The following DNAH9 variants were observed in gnomAD, a reference collection of about 807,000 sequenced individuals.
The protein encoded by DNAH9 is DNAH9 variant protein.
Under a neutral mutation model 471.6 loss-of-function variants are expected in DNAH9, and 345 were observed. The observed-to-expected ratio is 0.73, with a 90% confidence interval of 0.67 to 0.80. The LOEUF is 0.80. Among genes scored for constraint, DNAH9 ranks in the 30% least tolerant of loss-of-function variants. The probability of loss-of-function intolerance (pLI) is 0.00; values close to 1 mark genes in which losing one functional copy is unlikely to be tolerated. For synonymous variants in DNAH9, 2,093 were observed against 2,123.6 expected (o/e 0.99, Z 0.40); for missense variants, 5,407 against 5,609.2 (o/e 0.96, Z 1.15).
chr17:11,847,827 G>A (rs1971279893), intron 49 of DNAH9, among the ~76,000 whole-genome samples: 1 of 152,068 alleles, frequency 6.6e-6, no homozygotes, highest in Non-Finnish European at 1.5e-5. Flanking sequence ...TGCCCTCTAG[G>A]TTTTTGTGAC....
chr17:11,768,668 C>T (rs1257805048), intron 37 of DNAH9, 42 bp downstream of exon 37: 1 of 1,596,258 alleles, frequency 6.3e-7, no homozygotes, highest in South Asian at 1.1e-5. Flanking sequence ...TGCAGTTGCC[C>T]TCAAGGATCT....
chr17:11,853,990 T>C lies in DNAH9; in HGVS notation c.9508-13T>C. On this transcript the variant is annotated splice_polypyrimidine_tract_variant and intron_variant, in intron 49 of 68. Coordinates refer to ENST00000262442, the MANE Select transcript of DNAH9 (RefSeq NM_001372.4). ...ATTCATGTTCCCCTAACCACCTCCT[T>C]CTCTTTTCCCAGACCAACCTGACAG... is the stretch of plus-strand genomic sequence containing the variant. 1.2e-6 allele frequency: 2 copies of C among 1,610,916 alleles called. No individual in the cohort carries two copies. The highest frequency in any genetic ancestry group is 1.1e-5 in the South Asian group (1 of 91,020).
chr17:11,803,424 G>T lies in DNAH9; in HGVS notation c.8421-4308G>T, dbSNP rs371850858. ...TGCGCTCGCACACACGCACATGCGT[G>T]TCTAGTCCAATAAATCAACTTCCTC... On this transcript the variant is annotated intron_variant, in intron 43 of 68. Coordinates refer to ENST00000262442, the MANE Select transcript of DNAH9 (RefSeq NM_001372.4). 3.3e-4 allele frequency among the ~76,000 whole-genome samples: 50 copies of T among 152,306 alleles called. 1 individual carries two copies. The South Asian group carries it at 9.5e-3, about 29-fold the overall frequency.
chr17:11,742,572 C>T (rs1298243764), intron 30 of DNAH9, among the ~76,000 whole-genome samples: 1 of 152,126 alleles, frequency 6.6e-6, no homozygotes, highest in African/African-American at 2.4e-5. Context: ...ACACCAGCGT[C>T]CCATGAGAGA....
At position 11,828,676 on chromosome 17, in the gene DNAH9, G is replaced by C. The variant is rs574033382; in HGVS notation, c.9246+5642G>C. ...CCTAGAGTCCAACAGTACTCTTGCA[G>C]CGCCCCCAAAACTCTACGACTGGTT... On this transcript the variant is annotated intron_variant, in intron 48 of 68. Transcript: ENST00000262442. 1.2e-4 allele frequency among the ~76,000 whole-genome samples: 18 copies of C among 152,118 alleles called. No individual in the cohort carries two copies. In the South Asian group the frequency reaches 2.3e-3, roughly 19 times the overall value.
intron 32 of DNAH9, among the ~76,000 whole-genome samples, chr17:11,752,485 T>TG (rs1157418435): frequency 1.3e-5 from 2 of 152,090 alleles, no homozygotes; most frequent in East Asian, 3.9e-4. Flanking sequence ...GCCAGCATGG[T>TG]GAAACCGCGT....
chr17:11,902,924 G>T lies in DNAH9; in HGVS notation c.11600+12G>T. 1 of 1,609,840 alleles carries T rather than the reference G, an allele frequency of 6.2e-7. No homozygotes were observed. Among genetic ancestry groups the T allele is most frequent in the Non-Finnish European group, 8.5e-7 (1 of 1,178,550 alleles). ...ACCTATGCTTTGCGGTAGGAAACAGGGTGGTGGAAGGCCCAGCATAGGCAT... is the reference window on the plus strand; with the variant it reads ...ACCTATGCTTTGCGGTAGGAAACAGTGTGGTGGAAGGCCCAGCATAGGCAT... On this transcript the variant is annotated intron_variant, in intron 60 of 68. Coordinates refer to ENST00000262442, the MANE Select transcript of DNAH9 (RefSeq NM_001372.4).
intron 50 of DNAH9, among the ~76,000 whole-genome samples, chr17:11,867,333 CTG>C (rs1393115963): frequency 6.6e-6 from 1 of 152,208 alleles, no homozygotes; most frequent in African/African-American, 2.4e-5. Context: ...GATCAGTCCT[CTG>C]TTTTCTTCCA....
chr17:11,920,133 T>C (rs1249197967), intron 61 of DNAH9, among the ~76,000 whole-genome samples: 1 of 150,878 alleles, frequency 6.6e-6, no homozygotes, highest in African/African-American at 2.4e-5. Flanking sequence ...GCCTCCCAGG[T>C]TCAAGCGATT....
chr17:11,707,266 T>G (rs1040270659), intron 26 of DNAH9, among the ~76,000 whole-genome samples: 5 of 152,240 alleles, frequency 3.3e-5, no homozygotes, highest in African/African-American at 1.2e-4. Flanking sequence ...TGTCAGAAAT[T>G]GTGAGTTACA....
At chr17:11,748,579 G>A (rs1967000507) in intron 32 of DNAH9, among the ~76,000 whole-genome samples, 1 of 152,098 alleles carries the variant, frequency 6.6e-6, no homozygotes, top group African/African-American at 2.4e-5. Context: ...CGCATGCCAG[G>A]CCCCTGATGA....
intron 53 of DNAH9, 88 bp from the exon 54 acceptor site, chr17:11,879,990 C>T: frequency 1.3e-6 from 2 of 1,502,834 alleles, no homozygotes; most frequent in Non-Finnish European, 1.8e-6. Flanking sequence ...ACCACCATGT[C>T]TTAGAGGTCA....
intron 43 of DNAH9, among the ~76,000 whole-genome samples, chr17:11,807,093 G>A (rs1010740948): frequency 2.6e-5 from 4 of 152,100 alleles, no homozygotes; most frequent in Non-Finnish European, 5.9e-5. Context: ...AGGCTGTGAA[G>A]GGAGGAATCC....
chr17:11,885,430 A>G (rs1972852093), intron 56 of DNAH9, among the ~76,000 whole-genome samples: 1 of 152,210 alleles, frequency 6.6e-6, no homozygotes, highest in Non-Finnish European at 1.5e-5. Flanking sequence ...CTACGTCCTG[A>G]TGGGCATCAA....
rs1555568205 is a variant in DNAH9 at position 11,698,171 on chromosome 17, T to TTAATATATAA, written c.4873-1552_4873-1551insAATAATATAT. Among the ~76,000 whole-genome samples, 4 of 8,696 alleles carry TTAATATATAA rather than the reference T, an allele frequency of 4.6e-4. 1 individual carries two copies. Among genetic ancestry groups the TTAATATATAA allele is most frequent in the African/African-American group, 6.5e-4 (4 of 6,124 alleles). The allele number at this position is 8,696 out of a possible 152,430, so 5.7% of individuals were successfully genotyped here. On this transcript the variant is annotated intron_variant, in intron 22 of 68. Transcript: ENST00000262442. ...ATTATATTATTAATATATTATTATA[T>TTAATATATAA]TAATATATTATTATATTAATATAAT...
chr17:11,823,185 G>T (rs751312426), intron 48 of DNAH9, 151 bp downstream of exon 48: 2 of 706,592 alleles, frequency 2.8e-6, no homozygotes, highest in Non-Finnish European at 4.6e-6. Context: ...TTATGTTCTC[G>T]TGTGTTGCTT....
At chr17:11,835,913 CG>C (rs1970836593) in intron 49 of DNAH9, among the ~76,000 whole-genome samples, 2 of 152,168 alleles carry the variant, frequency 1.3e-5, no homozygotes, top group Admixed American at 1.3e-4. Flanking sequence ...CCCCCCATGC[CG>C]AATACTCTGC....
chr17:11,902,733 G>T lies in DNAH9; in HGVS notation c.11421G>T (p.Met3807Ile). ...AWGAVKVLSS[M>I]EEFSNLDRDI... ...AAATTTCCCAGGTACTTTCATCAAT[G>T]GAAGAATTCTCTAATCTGGATCGGG... The change falls in exon 60 of 69, where the codon ATG (methionine) becomes ATT (isoleucine). Residue 3807 changes from methionine (M) to isoleucine (I), a missense_variant. By Grantham distance (10) the Met-to-Ile change is conservative. Around this residue, in one of 3 missense-constraint regions of DNAH9, gnomAD observed 4,636 missense variants for 4,900.3 expected, o/e 0.95. Transcript: ENST00000262442. The T allele has an allele frequency of 6.2e-7, 1 of 1,607,966 alleles. No individual in the cohort carries two copies. The highest frequency in any genetic ancestry group is 8.5e-7 in the Non-Finnish European group (1 of 1,177,814).
chr17:11,827,579 G>A (rs184971777), intron 48 of DNAH9, among the ~76,000 whole-genome samples: 8 of 152,078 alleles, frequency 5.3e-5, no homozygotes, highest in African/African-American at 1.4e-4. Flanking sequence ...GTCACCTCCC[G>A]CCAGGCCCCA....
Sources: gnomAD v4.1 joint callset for allele counts (sites outside exome capture counted in the v4.1 genomes callset) on GRCh38, gnomAD v4.1.1 for gene constraint, gnomAD v4.1.1 regional missense constraint, MANE v1.5 for transcripts, NCBI Gene and HGNC (gene_info 2026-07-23, HGNC 2026-07-21) for gene names.